Variants in COL4A1 observed in about 807,000 individuals in gnomAD.
COL4A1 encodes collagen alpha-1(IV) chain.
In COL4A1, 40 loss-of-function variants were observed where a neutral mutation model predicts 216.6. The observed-to-expected ratio is 0.18, with a 90% confidence interval of 0.14 to 0.24. COL4A1 has a LOEUF of 0.24. COL4A1 is among the 10% of genes least tolerant of loss of function. The probability of loss-of-function intolerance (pLI) is 1.00; values close to 1 mark genes in which losing one functional copy is unlikely to be tolerated. For missense variants in COL4A1, 1,628 were observed against 2,196.8 expected, an observed-to-expected ratio of 0.74 and a Z score of 5.18; for synonymous variants, 839 against 810.7, an observed-to-expected ratio of 1.03 and a Z score of -0.59.
chr13:110,201,408 G>C (rs371504562), intron 19 of COL4A1, 30 bp downstream of exon 19: 3 of 1,386,546 alleles, frequency 2.2e-6, no homozygotes, highest in Non-Finnish European at 2.9e-6. Context: ...GGGGGAGTAG[G>C]AGGAGGGGGG....
intron 44 of COL4A1, 80 bp from the exon 45 acceptor site, chr13:110,166,383 G>A: frequency 1.1e-6 from 1 of 892,908 alleles, no homozygotes; most frequent in Non-Finnish European, 1.9e-6. Flanking sequence ...TCTCTCTCTA[G>A]TGCACACACA....
At chr13:110,275,955 A>G (rs760892894) in intron 1 of COL4A1, among the ~76,000 whole-genome samples, 29 of 152,174 alleles carry the variant, frequency 1.9e-4, no homozygotes, top group Non-Finnish European at 3.8e-4. Flanking sequence ...TGTGGGCAGT[A>G]AAACAACTCT....
rs1001984037 is a variant in COL4A1, at chr13:110,229,897, T to A, written c.144+12778A>T. 2.0e-4 allele frequency among the ~76,000 whole-genome samples: 31 copies of A among 152,240 alleles called. 1 individual carries two copies. The highest frequency in any genetic ancestry group is 1.2e-3 in the Admixed American group (18 of 15,286). Reference sequence around the variant, plus strand: ...TGTCAGTAATTTCCTTGGGCCCCACTTCCGACGTTCACCCTCTTGTGGGTG... The same window carrying A: ...TGTCAGTAATTTCCTTGGGCCCCACATCCGACGTTCACCCTCTTGTGGGTG... On this transcript the variant is annotated intron_variant, in intron 2 of 51. Coordinates refer to ENST00000375820, the MANE Select transcript of COL4A1 (RefSeq NM_001845.6).
At chr13:110,197,670 G>A (rs1470504931) in intron 21 of COL4A1, among the ~76,000 whole-genome samples, 1 of 152,094 alleles carries the variant, frequency 6.6e-6, no homozygotes, top group African/African-American at 2.4e-5. Context: ...ATCTAGTCCT[G>A]GCCCAGCCCC....
intron 2 of COL4A1, 148 bp downstream of exon 2, chr13:110,242,527 G>A: frequency 1.2e-6 from 1 of 847,540 alleles, no homozygotes. Flanking sequence ...TGTCAAGCCT[G>A]GTTTGGCTTC....
At chr13:110,180,897 T>C (rs1248843318) in intron 29 of COL4A1, among the ~76,000 whole-genome samples, 5 of 152,176 alleles carry the variant, frequency 3.3e-5, no homozygotes, top group African/African-American at 1.2e-4. Flanking sequence ...AAAAGAGCTA[T>C]TGAACCCAGA....
intron 26 of COL4A1, among the ~76,000 whole-genome samples, chr13:110,183,602 T>C (rs1594557860): frequency 6.6e-6 from 1 of 152,238 alleles, no homozygotes; most frequent in Admixed American, 6.5e-5. Context: ...TCTAGGTGAT[T>C]TCTTAGTGAG....
At chr13:110,169,603 T>G (rs766234167) in intron 43 of COL4A1, 26 bp downstream of exon 43, 1 of 1,612,240 alleles carries the variant, frequency 6.2e-7, no homozygotes, top group Non-Finnish European at 8.5e-7. Flanking sequence ...CCTTTAAAAA[T>G]AAAAATCTAC....
chr13:110,176,385 G>A (rs369544731), intron 36 of COL4A1, 39 bp downstream of exon 36: 268 of 1,352,580 alleles, frequency 2.0e-4, no homozygotes, highest in Non-Finnish European at 2.6e-4. Flanking sequence ...AGTATCACAC[G>A]CACACATGCT....
chr13:110,286,814 C>T (rs1883862631), intron 1 of COL4A1, among the ~76,000 whole-genome samples: 1 of 152,200 alleles, frequency 6.6e-6, no homozygotes, highest in Non-Finnish European at 1.5e-5. Context: ...TTTCCCAAGT[C>T]CACACGATAA....
intron 2 of COL4A1, among the ~76,000 whole-genome samples, chr13:110,216,877 C>T (rs1279450841): frequency 6.6e-6 from 1 of 152,182 alleles, no homozygotes; most frequent in African/African-American, 2.4e-5. Flanking sequence ...CACTGGGTGA[C>T]CCCTCGTGCT....
chr13:110,156,126 G>T (rs941520719), intron 49 of COL4A1, among the ~76,000 whole-genome samples: 1 of 152,206 alleles, frequency 6.6e-6, no homozygotes, highest in Non-Finnish European at 1.5e-5. Flanking sequence ...TGTCTGTCTT[G>T]TAGAAGGGGA....
At chr13:110,199,041 A>G (rs1452534528) in intron 20 of COL4A1, among the ~76,000 whole-genome samples, 1 of 152,210 alleles carries the variant, frequency 6.6e-6, no homozygotes, top group African/African-American at 2.4e-5. Context: ...TAGAAGAAAG[A>G]GCAGAAAATC....
intron 50 of COL4A1, among the ~76,000 whole-genome samples, chr13:110,154,744 A>C (rs974700610): frequency 6.6e-6 from 1 of 152,280 alleles, no homozygotes; most frequent in Non-Finnish European, 1.5e-5. Context: ...GAAGCTGGTC[A>C]TACAGAGAAG....
chr13:110,247,135 C>G (rs936743426), intron 1 of COL4A1, among the ~76,000 whole-genome samples: 8 of 152,058 alleles, frequency 5.3e-5, no homozygotes, highest in African/African-American at 1.9e-4. Flanking sequence ...TAATGAAAAC[C>G]AAGTCAGTTT....
intron 1 of COL4A1, among the ~76,000 whole-genome samples, chr13:110,277,584 T>C (rs138880538): frequency 6.6e-6 from 1 of 152,314 alleles, no homozygotes; most frequent in African/African-American, 2.4e-5. Flanking sequence ...GAACTGCTGT[T>C]CGGGTGATGG....
intron 42 of COL4A1, 142 bp downstream of exon 42, chr13:110,170,405 A>C: frequency 1.1e-6 from 1 of 929,286 alleles, no homozygotes; most frequent in Non-Finnish European, 1.6e-6. Flanking sequence ...ATGGGGGCCA[A>C]ACACAATTTC....
In COL4A1 at chr13:110,268,771, C is replaced by T. The variant is rs1012616626; in HGVS notation, c.85-26037G>A. On this transcript the variant is annotated intron_variant, in intron 1 of 51. Coordinates refer to ENST00000375820, the MANE Select transcript of COL4A1 (RefSeq NM_001845.6). This position sits in a 1 kb window ranked among gnomAD's most constrained non-coding sequence, Gnocchi z 4.1. ...AAATCAGCTGACTTCCAGGACCACA[C>T]GCCTGGCACGTGGGAGGCTCAACAA... 2.0e-5 allele frequency among the ~76,000 whole-genome samples: 3 copies of T among 152,198 alleles called. No individual in the cohort carries two copies. The highest frequency in any genetic ancestry group is 3.8e-4 in the East Asian group (2 of 5,198).
intron 4 of COL4A1, among the ~76,000 whole-genome samples, chr13:110,212,874 C>T (rs1465398889): frequency 6.6e-6 from 1 of 152,204 alleles, no homozygotes; most frequent in East Asian, 1.9e-4. Flanking sequence ...ACCTAAGTAC[C>T]TACCAACCAA....
Sources: gnomAD v4.1 joint callset for allele counts (sites outside exome capture counted in the v4.1 genomes callset) on GRCh38, gnomAD v4.1.1 for gene constraint, Gnocchi (gnomAD v3.1) non-coding constraint, MANE v1.5 for transcripts, NCBI Gene and HGNC (gene_info 2026-07-23, HGNC 2026-07-21) for gene names.